Variants in COXFA4L3 observed in about 807,000 individuals in gnomAD.
COXFA4L3 encodes MIR147B host.
chr15:45,432,183 C>T, the COXFA4L3 span: 20 of 1,447,730 alleles, frequency 1.4e-5, no homozygotes, highest in East Asian at 2.7e-4. Context: ...AACCTTAGCA[C>T]CTTTGTGAGC....
At chr15:45,432,374 C>G in the COXFA4L3 span, among the ~76,000 whole-genome samples, 1 of 151,254 alleles carries the variant, frequency 6.6e-6, no homozygotes, top group East Asian at 1.9e-4. Context: ...ACTTAAAAAT[C>G]TGGATACCGG....
At chr15:45,430,858 CTTGACTAA>C in the COXFA4L3 span, 1 of 1,602,080 alleles carries the variant, frequency 6.2e-7, no homozygotes, top group Non-Finnish European at 8.5e-7. Context: ...AATTGAAAAT[CTTGACTAA>C]AGTTTTCATT....
chr15:45,432,995 T>C, the COXFA4L3 span: 1 of 1,613,776 alleles, frequency 6.2e-7, no homozygotes, highest in South Asian at 1.1e-5. Context: ...AGTTGCAAAA[T>C]GTCCAAAGGG....
At chr15:45,431,226 T>C in the COXFA4L3 span, 2 of 565,014 alleles carry the variant, frequency 3.5e-6, no homozygotes, top group Non-Finnish European at 3.0e-6. Flanking sequence ...AAAAAGCATC[T>C]TTTATCAGAA....
At chr15:45,430,824 A>G in the COXFA4L3 span, 2 of 1,610,418 alleles carry the variant, frequency 1.2e-6, no homozygotes, top group Non-Finnish European at 1.7e-6. Flanking sequence ...CCTGATGAAA[A>G]GGAAGGAAGT....
the COXFA4L3 span, chr15:45,432,976 C>G: frequency 5.0e-6 from 8 of 1,613,870 alleles, no homozygotes; most frequent in South Asian, 7.7e-5. Context: ...CAATGGAAAC[C>G]CATTGAAGAG....
chr15:45,433,003 G>A, the COXFA4L3 span: 3 of 1,613,498 alleles, frequency 1.9e-6, no homozygotes, highest in South Asian at 1.1e-5. Flanking sequence ...AATGTCCAAA[G>A]GGTGACCAAA....
At chr15:45,430,835 A>G in the COXFA4L3 span, 1 of 1,606,054 alleles carries the variant, frequency 6.2e-7, no homozygotes, top group Non-Finnish European at 8.5e-7. Flanking sequence ...GGAAGGAAGT[A>G]AGTTTTAAAA....
the COXFA4L3 span, among the ~76,000 whole-genome samples, chr15:45,431,777 G>T: frequency 1.3e-5 from 2 of 152,144 alleles, no homozygotes; most frequent in South Asian, 4.1e-4. Flanking sequence ...CCTTGGCTTG[G>T]CAGTTTCACT....
chr15:45,432,952 T>C, the COXFA4L3 span: 1 of 1,612,176 alleles, frequency 6.2e-7, no homozygotes, highest in Non-Finnish European at 8.5e-7. Flanking sequence ...CTTCAGCTTA[T>C]AACAATCAAC....
At chr15:45,431,986 T>C in the COXFA4L3 span, 2 of 1,164,444 alleles carry the variant, frequency 1.7e-6, no homozygotes, top group African/African-American at 1.5e-5. Context: ...GAGACTGGTT[T>C]TGTCCCTAAC....
the COXFA4L3 span, chr15:45,432,133 G>T: frequency 2.5e-6 from 4 of 1,610,412 alleles, no homozygotes; most frequent in Non-Finnish European, 3.4e-6. Context: ...ACCTCAAAAG[G>T]TATTGTTAAA....
chr15:45,432,585 A>G, the COXFA4L3 span, among the ~76,000 whole-genome samples: 1 of 152,336 alleles, frequency 6.6e-6, no homozygotes, highest in African/African-American at 2.4e-5. Flanking sequence ...AAATTGCTTG[A>G]ACATGGGAGG....
chr15:45,431,862 G>A, the COXFA4L3 span, among the ~76,000 whole-genome samples: 1 of 152,276 alleles, frequency 6.6e-6, no homozygotes, highest in East Asian at 1.9e-4. Context: ...CTACCCTTTA[G>A]GGGAACTGAT....
At chr15:45,432,570 C>T in the COXFA4L3 span, among the ~76,000 whole-genome samples, 3 of 152,166 alleles carry the variant, frequency 2.0e-5, no homozygotes, top group South Asian at 2.1e-4. Flanking sequence ...GAGGCTGAGG[C>T]ACGAAAATTG....
At chr15:45,432,091 C>T in the COXFA4L3 span, 1 of 1,613,394 alleles carries the variant, frequency 6.2e-7, no homozygotes, top group South Asian at 1.1e-5. Context: ...AAAAAAAAAT[C>T]CAGAACCTTG....
At chr15:45,430,978 C>A in the COXFA4L3 span, 1 of 1,608,184 alleles carries the variant, frequency 6.2e-7, no homozygotes, top group Non-Finnish European at 8.5e-7. Context: ...CCAAATGTGT[C>A]CCCTCCACCT....
At chr15:45,432,808 T>C in the COXFA4L3 span, 1 of 657,490 alleles carries the variant, frequency 1.5e-6, no homozygotes, top group Non-Finnish European at 2.6e-6. Context: ...GTGCATGTTT[T>C]AGATATGGAA....
At chr15:45,432,905 ATTTTTAACAAAAGGTT>A in the COXFA4L3 span, 2 of 1,565,106 alleles carry the variant, frequency 1.3e-6, no homozygotes, top group Non-Finnish European at 1.7e-6. Context: ...TGAAAGTCAA[ATTTTTAACAAAAGGTT>A]TTTTTTTTTT....
Sources: gnomAD v4.1 joint callset for allele counts (sites outside exome capture counted in the v4.1 genomes callset) on GRCh38, gnomAD v4.1.1 for gene constraint, MANE v1.5 for transcripts, NCBI Gene and HGNC (gene_info 2026-07-23, HGNC 2026-07-21) for gene names.